The following EPC2 variants were observed in gnomAD, a reference collection of about 807,000 sequenced individuals.
EPC2 encodes the protein enhancer of polycomb homolog 2.
EPC2 carries 14 observed loss-of-function variants against 92.1 expected under a neutral mutation model. The observed-to-expected ratio is 0.15, with a 90% confidence interval of 0.10 to 0.24. The LOEUF (loss-of-function observed/expected upper bound fraction) is 0.24. Ranked by LOEUF, EPC2 falls within the 10% of genes least tolerant of loss-of-function variation. The pLI is 1.00. For missense variants in EPC2, 755 were observed against 971.5 expected (o/e 0.78, Z 2.96); for synonymous variants, 340 against 334.7 (o/e 1.02, Z -0.17).
intron 2 of EPC2, among the ~76,000 whole-genome samples, chr2:148,713,347 C>T (rs1574599407): frequency 6.6e-6 from 1 of 151,358 alleles, no homozygotes; most frequent in East Asian, 1.9e-4. Context: ...GTTTTTGACA[C>T]AAAAAAATTT....
At chr2:148,770,232 G>T (rs545705835) in intron 8 of EPC2, among the ~76,000 whole-genome samples, 1 of 152,198 alleles carries the variant, frequency 6.6e-6, no homozygotes, top group African/African-American at 2.4e-5. Context: ...TAGAGATAGG[G>T]TCTTGCTACG....
intron 1 of EPC2, among the ~76,000 whole-genome samples, chr2:148,669,857 T>C (rs1247692106): frequency 1.3e-5 from 2 of 152,172 alleles, no homozygotes; most frequent in East Asian, 1.9e-4. Context: ...CAATGCCCTT[T>C]AAATTTTGAG....
At chr2:148,769,000 C>A in intron 7 of EPC2, 151 bp from the exon 8 acceptor site, 1 of 585,234 alleles carries the variant, frequency 1.7e-6, no homozygotes, top group Non-Finnish European at 3.0e-6. Flanking sequence ...AAAATTTTTG[C>A]TAGTCATTGA....
At chr2:148,779,926 T>C in intron 10 of EPC2, among the ~76,000 whole-genome samples, 1 of 152,190 alleles carries the variant, frequency 6.6e-6, no homozygotes, top group Non-Finnish European at 1.5e-5. Flanking sequence ...GGGTTTAATT[T>C]AAGATTTTTC....
chr2:148,721,890 C>CTTTTTTTTTTTTTTTTTTTT, intron 2 of EPC2, among the ~76,000 whole-genome samples: 27 of 60,736 alleles, frequency 4.4e-4, no homozygotes, highest in Non-Finnish European at 5.8e-4. Flanking sequence ...GTTTTGATTT[C>CTTTTTTTTTTTTTTTTTTTT]TTTTTTTTTT....
At chr2:148,706,677 A>T (rs1682006876) in intron 2 of EPC2, among the ~76,000 whole-genome samples, 1 of 152,222 alleles carries the variant, frequency 6.6e-6, no homozygotes, top group South Asian at 2.1e-4. Context: ...GCCAGAAGAG[A>T]GTGGGGGCCA....
chr2:148,676,798 C>G (rs1681273250), intron 1 of EPC2, among the ~76,000 whole-genome samples: 1 of 150,286 alleles, frequency 6.7e-6, no homozygotes, highest in Non-Finnish European at 1.5e-5. Context: ...CTCTCTCTCT[C>G]TCTGTCTCTC....
intron 2 of EPC2, among the ~76,000 whole-genome samples, chr2:148,703,534 A>C (rs1012212369): frequency 5.9e-5 from 9 of 151,860 alleles, no homozygotes; most frequent in African/African-American, 9.7e-5. Flanking sequence ...TTCTTTTGTT[A>C]GTAGTAGTAT....
intron 1 of EPC2, among the ~76,000 whole-genome samples, chr2:148,662,843 T>C (rs1027997796): frequency 3.9e-5 from 6 of 151,950 alleles, no homozygotes; most frequent in African/African-American, 1.4e-4. Context: ...TTAAAAACTC[T>C]TTAGTTTTAT....
At chr2:148,690,177 C>T in intron 1 of EPC2, 37 bp from the exon 2 acceptor site, 1 of 1,546,080 alleles carries the variant, frequency 6.5e-7, no homozygotes, top group Non-Finnish European at 8.7e-7. Flanking sequence ...ATTAATATTA[C>T]TAAAACAACT....
Position 148,700,850 on chromosome 2 carries a change from G to A in EPC2, c.313+10477G>A, listed in dbSNP as rs148916675. Among the ~76,000 whole-genome samples, 175 of 152,136 alleles carry A rather than the reference G, an allele frequency of 1.2e-3. 1 individual carries two copies. Among genetic ancestry groups the A allele is most frequent in the Admixed American group, 1.3e-3 (20 of 15,282 alleles). ...AACTTACTGGGATTTTTACTGAGAC[G>A]TTGTTGAATCTGTATCACATTTGAG... is the stretch of plus-strand genomic sequence containing the variant. On this transcript the variant is annotated intron_variant, in intron 2 of 13. Coordinates refer to ENST00000258484, the MANE Select transcript of EPC2 (RefSeq NM_015630.4).
intron 1 of EPC2, among the ~76,000 whole-genome samples, chr2:148,683,172 C>A (rs1681444527): frequency 6.6e-6 from 1 of 151,780 alleles, no homozygotes; most frequent in Non-Finnish European, 1.5e-5. Flanking sequence ...GATTTTGGTG[C>A]ACCCATCACC....
intron 1 of EPC2, among the ~76,000 whole-genome samples, chr2:148,659,543 A>C (rs1345693111): frequency 6.6e-6 from 1 of 152,106 alleles, no homozygotes; most frequent in Admixed American, 6.6e-5. Context: ...TGATGAATAG[A>C]AATGTATTGA....
chr2:148,688,438 G>A (rs1681574040), intron 1 of EPC2, among the ~76,000 whole-genome samples: 1 of 152,054 alleles, frequency 6.6e-6, no homozygotes, highest in Non-Finnish European at 1.5e-5. Flanking sequence ...GGGACGGATA[G>A]CATTAGGAGA....
intron 1 of EPC2, among the ~76,000 whole-genome samples, chr2:148,682,395 A>C (rs1378847000): frequency 1.3e-5 from 2 of 152,204 alleles, no homozygotes; most frequent in Non-Finnish European, 2.9e-5. Context: ...TTTTATGTTT[A>C]TAAAGTTATT....
Position 148,761,886 on chromosome 2 carries a change from A to G in EPC2, c.771A>G (p.Thr257=). 3 of 1,600,334 alleles carry G rather than the reference A, an allele frequency of 1.9e-6. No homozygotes were observed. Among genetic ancestry groups the G allele is most frequent in the Non-Finnish European group, 2.6e-6 (3 of 1,175,374 alleles). Residue 257 remains threonine, a synonymous_variant, in exon 5 of 14, where the codon ACA becomes ACG. Coordinates refer to ENST00000258484, the MANE Select transcript of EPC2 (RefSeq NM_015630.4). ...ILEMIKRREK[T]KRELLHLTLE... is the part of the protein sequence containing the mutation. Reference sequence around the variant, plus strand: ...AAATGATTAAGAGAAGAGAGAAAACAAAACGAGAATTATTGCACTTAACCT... The same window carrying G: ...AAATGATTAAGAGAAGAGAGAAAACGAAACGAGAATTATTGCACTTAACCT...
intron 1 of EPC2, among the ~76,000 whole-genome samples, chr2:148,662,122 A>G (rs2105355452): frequency 6.6e-6 from 1 of 152,338 alleles, no homozygotes; most frequent in South Asian, 2.1e-4. Context: ...GTGAGATACC[A>G]TCTGACACCA....
At chr2:148,666,582 A>T (rs1407826931) in intron 1 of EPC2, among the ~76,000 whole-genome samples, 2 of 152,254 alleles carry the variant, frequency 1.3e-5, no homozygotes, top group African/African-American at 4.8e-5. Context: ...AGATAAAATT[A>T]CTCTGTCTGA....
chr2:148,761,067 GCTA>G (rs1484963947), intron 4 of EPC2, among the ~76,000 whole-genome samples: 2 of 152,192 alleles, frequency 1.3e-5, no homozygotes, highest in African/African-American at 4.8e-5. Flanking sequence ...GCAAATAGAT[GCTA>G]CTAATTACAA....
Sources: allele counts gnomAD v4.1 joint callset (sites outside exome capture counted in the v4.1 genomes callset), GRCh38; gene constraint gnomAD v4.1.1; transcripts MANE v1.5; gene names NCBI Gene and HGNC (gene_info 2026-07-23, HGNC 2026-07-21).